PDE6B: variants seen among roughly 807,000 people sequenced by gnomAD.
PDE6B encodes the protein rod cGMP-specific 3',5'-cyclic phosphodiesterase subunit beta.
Under a neutral mutation model 109.0 loss-of-function variants are expected in PDE6B, and 106 were observed. That is an observed-to-expected ratio of 0.97 (90% CI 0.83 to 1.14). The LOEUF (loss-of-function observed/expected upper bound fraction) is 1.14, where lower values mean the gene tolerates loss of function less well. Among genes scored for constraint, PDE6B ranks in the 50% most tolerant of loss-of-function variants. The pLI is 0.00. For missense variants in PDE6B, 1,193 were observed against 1,155.6 expected, an observed-to-expected ratio of 1.03 and a Z score of -0.47; for synonymous variants, 490 against 471.3, an observed-to-expected ratio of 1.04 and a Z score of -0.51.
In PDE6B at chr4:636,400, G is replaced by T. The variant is rs939304225; in HGVS notation, c.711+431G>T. On this transcript the variant is annotated intron_variant, in intron 3 of 21. Transcript: ENST00000496514. This position sits in a 1 kb window ranked among gnomAD's most constrained non-coding sequence, Gnocchi z 4.5. ...CAGGTCCGGCCCTGGCTGAGAGAGG[G>T]TACGGGGGCAGGTCTGGCCCTGGCC... Among the ~76,000 whole-genome samples the T allele has an allele frequency of 7.9e-5, 12 of 152,138 alleles. No homozygotes were observed. The highest frequency in any genetic ancestry group is 1.5e-5 in the Non-Finnish European group (1 of 68,006).
intron 9 of PDE6B, 98 bp downstream of exon 9, chr4:657,121 C>T (rs1736365338): frequency 6.0e-6 from 8 of 1,332,452 alleles, no homozygotes; most frequent in South Asian, 3.5e-5. Context: ...CGGCTGTGTG[C>T]GTGTGCTCAT....
chr4:660,670 G>T, intron 12 of PDE6B, 57 bp downstream of exon 12: 2 of 1,511,038 alleles, frequency 1.3e-6, no homozygotes, highest in South Asian at 2.3e-5. Flanking sequence ...GGACATGGGG[G>T]TGGGGATGTG....
chr4:648,184 A>C lies in PDE6B; in HGVS notation c.712-5668A>C, dbSNP rs1242065505. 6.6e-6 allele frequency among the ~76,000 whole-genome samples: 1 copy of C among 151,796 alleles called. No individual in the cohort carries two copies. The highest frequency in any genetic ancestry group is 1.5e-5 in the Non-Finnish European group (1 of 67,980). On this transcript the variant is annotated intron_variant, in intron 3 of 21. Coordinates refer to ENST00000496514, the MANE Select transcript of PDE6B (RefSeq NM_000283.4). The surrounding 1 kb of genome is among the most constrained non-coding windows in gnomAD (Gnocchi z 4.5). ...CAAGTGAATTACCAACACCTAGGAA[A>C]CTCCTTGTTTCCAGCCTCTCAGTCT...
intron 2 of PDE6B, 32 bp downstream of exon 2, chr4:634,861 G>A (rs539651253): frequency 2.6e-5 from 41 of 1,603,122 alleles, no homozygotes; most frequent in South Asian, 1.5e-4. Context: ...GCAGCCGCGC[G>A]TCTGCCTCCC....
chr4:654,222 C>A, intron 5 of PDE6B, 68 bp downstream of exon 5: 2 of 1,386,464 alleles, frequency 1.4e-6, no homozygotes, highest in South Asian at 1.2e-5. Flanking sequence ...AACTCCAGGG[C>A]AGGAGAGGGA....
chr4:654,871 G>A lies in PDE6B; in HGVS notation c.975G>A (p.Glu325=). 6.4e-7 allele frequency: 1 copy of A among 1,554,334 alleles called. No individual in the cohort carries two copies. The highest frequency in any genetic ancestry group is 8.9e-7 in the Non-Finnish European group (1 of 1,125,556). ...TCGACTACGTCCTCCACGGCAAGGAGGAGATCAAGGTCATTCCGTAAGTGC... is the reference window on the plus strand; with the variant it reads ...TCGACTACGTCCTCCACGGCAAGGAAGAGATCAAGGTCATTCCGTAAGTGC... ...KVIDYVLHGK[E]EIKVIPTPSA... is the part of the protein sequence containing the mutation. Residue 325 remains glutamate (E), a synonymous_variant, in exon 6 of 22, where the codon GAG becomes GAA. Transcript: ENST00000496514.
rs10029924 is a variant in PDE6B, at chr4:626,420, A to G, written c.468+326A>G. ...GCATCCACATCCCATGGTGGGGACC[A>G]TGTAGTCCCTGTGAGGACCCCTGGC... On this transcript the variant is annotated intron_variant, in intron 1 of 21. Transcript: ENST00000496514. The surrounding 1 kb of genome is among the most constrained non-coding windows in gnomAD (Gnocchi z 4.6). 0.024 allele frequency among the ~76,000 whole-genome samples: 3,623 copies of G among 152,302 alleles called. 144 individuals carry two copies. Among genetic ancestry groups the G allele is most frequent in the African/African-American group, 0.083 (3,468 of 41,564 alleles).
At chr4:637,787 G>C (rs985799866) in intron 3 of PDE6B, among the ~76,000 whole-genome samples, 5 of 152,180 alleles carry the variant, frequency 3.3e-5, no homozygotes, top group African/African-American at 1.2e-4. Context: ...TGACCATCGC[G>C]CTCGAGCTGA....
In PDE6B at chr4:656,310, G is replaced by A. The variant is rs745749235; in HGVS notation, c.1107+18G>A. 3 of 1,456,456 alleles carry A rather than the reference G, an allele frequency of 2.1e-6. 1 individual carries two copies. Among genetic ancestry groups the A allele is most frequent in the South Asian group, 2.3e-5 (2 of 87,862 alleles). 90.2% of individuals were successfully genotyped at this position (1,456,456 alleles called of 1,614,324 possible). A position where few individuals can be genotyped will look rare whatever the true frequency, so the allele number is the denominator to read the frequency against. Reference sequence around the variant, plus strand: ...AATTTCAGGTATCTGTCTGTGCCTTGGTAGAAATTATACTTACTTACAAAA... The same window carrying A: ...AATTTCAGGTATCTGTCTGTGCCTTAGTAGAAATTATACTTACTTACAAAA... On this transcript the variant is annotated intron_variant, in intron 8 of 21. Transcript: ENST00000496514.
At position 635,954 on chromosome 4, in the gene PDE6B, G is replaced by GCT; in HGVS notation, c.696_697insCT (p.Thr233LeufsTer19). 6.2e-7 allele frequency: 1 copy of GCT among 1,605,712 alleles called. No homozygotes were observed. Among genetic ancestry groups the GCT allele is most frequent in the Non-Finnish European group, 8.5e-7 (1 of 1,172,316 alleles). ...ACCTGAGCTACCTCCACAACTGCGA[G>GCT]ACGCGCCGCGGCCAGGTACCCACAC... On this transcript the variant is annotated frameshift_variant, in exon 3 of 22. Coordinates refer to ENST00000496514, the MANE Select transcript of PDE6B (RefSeq NM_000283.4). LOFTEE classifies it high-confidence loss of function.
rs140857147 is a variant in PDE6B, at chr4:666,536, G to C, written c.2274G>C (p.Met758Ile). ...RTVLDQQPIP[M>I]MDRNKAAELP... ...CCCTCTGTTCCTCCCACCAGCCTAT[G>C]ATGGACCGGAACAAGGCGGCCGAGC... Residue 758 changes from methionine to isoleucine, a missense_variant, in exon 20 of 22, where the codon ATG (methionine) becomes ATC (isoleucine). Transcript: ENST00000496514. The surrounding 1 kb of genome is among the most constrained non-coding windows in gnomAD (Gnocchi z 5.6). 132 of 1,611,134 alleles carry C rather than the reference G, an allele frequency of 8.2e-5. No homozygotes were observed. The highest frequency in any genetic ancestry group is 1.1e-4 in the Non-Finnish European group (129 of 1,177,726).
chr4:645,677 T>C (rs533152992), intron 3 of PDE6B, among the ~76,000 whole-genome samples: 1 of 152,160 alleles, frequency 6.6e-6, no homozygotes, highest in African/African-American at 2.4e-5. Context: ...GTGTTGCACT[T>C]ACTCTTTATT....
chr4:655,133 TGTGGACATCCAGA>T, intron 6 of PDE6B: 1 of 571,398 alleles, frequency 1.8e-6, no homozygotes. Context: ...CCCGAGTCAC[TGTGGACATCCAGA>T]GTGGACATAC....
intron 3 of PDE6B, chr4:652,503 G>A (rs987181726): frequency 1.8e-5 from 18 of 984,878 alleles, no homozygotes; most frequent in African/African-American, 8.7e-5. Context: ...AAGGTCAGCC[G>A]CGCTGTGTGG....
intron 3 of PDE6B, chr4:652,989 C>T (rs1280225000): frequency 1.2e-5 from 2 of 164,716 alleles, no homozygotes; most frequent in Admixed American, 1.3e-4. Flanking sequence ...AAACATAAAC[C>T]CCATCAATAC....
rs1353468176 is a variant in PDE6B, at chr4:626,200, G to A, written c.468+106G>A. On this transcript the variant is annotated intron_variant, in intron 1 of 21. Transcript: ENST00000496514. This position sits in a 1 kb window ranked among gnomAD's most constrained non-coding sequence, Gnocchi z 4.6. ...CCTCAGGCCTCCAGGGAGGCCTCTT[G>A]TCAGGGCACAGGCTAGTTCTGTGCT... 1 of 733,402 alleles carries A rather than the reference G, an allele frequency of 1.4e-6. No homozygotes were observed. The highest frequency in any genetic ancestry group is 2.4e-6 in the Non-Finnish European group (1 of 419,888). 45.4% of individuals were successfully genotyped at this position (733,402 alleles called of 1,614,324 possible).
In PDE6B at chr4:626,232, C is replaced by T; in HGVS notation, c.468+138C>T. 1.6e-6 allele frequency: 1 copy of T among 630,442 alleles called. No homozygotes were observed. Among genetic ancestry groups the T allele is most frequent in the Non-Finnish European group, 2.8e-6 (1 of 356,138 alleles). 39.1% of individuals were successfully genotyped at this position (630,442 alleles called of 1,614,324 possible). On this transcript the variant is annotated intron_variant, in intron 1 of 21. Transcript: ENST00000496514. This position sits in a 1 kb window ranked among gnomAD's most constrained non-coding sequence, Gnocchi z 4.6. ...CACAGGCTAGTTCTGTGCTGAGGAG[C>T]AAGTACCTAGAGCCCCCTCCCGGCA...
At chr4:627,282 A>T (rs1041619945) in intron 1 of PDE6B, among the ~76,000 whole-genome samples, 1 of 151,740 alleles carries the variant, frequency 6.6e-6, no homozygotes, top group South Asian at 2.1e-4. Context: ...AGTAGCTAGG[A>T]CTAGAGGTGC....
intron 5 of PDE6B, 131 bp from the exon 6 acceptor site, chr4:654,693 A>T: frequency 1.3e-6 from 1 of 778,684 alleles, no homozygotes. Context: ...ACGTGTGTAC[A>T]CATGCACGGT....
Sources: gnomAD v4.1 joint callset for allele counts (sites outside exome capture counted in the v4.1 genomes callset) on GRCh38, gnomAD v4.1.1 for gene constraint, Gnocchi (gnomAD v3.1) non-coding constraint, MANE v1.5 for transcripts, NCBI Gene and HGNC (gene_info 2026-07-23, HGNC 2026-07-21) for gene names.